Variants in HPSE2 observed in about 807,000 individuals in gnomAD.
HPSE2 encodes the protein heparanase 2 (inactive).
HPSE2 carries 38 observed loss-of-function variants against 60.5 expected under a neutral mutation model. That is an observed-to-expected ratio of 0.63 (90% CI 0.48 to 0.82). HPSE2 has a LOEUF of 0.82. Among genes scored for constraint, HPSE2 ranks in the 40% least tolerant of loss-of-function variants. The pLI is 0.00. For synonymous variants in HPSE2, 295 were observed against 293.2 expected (o/e 1.01, Z -0.06); for missense variants, 713 against 740.4 (o/e 0.96, Z 0.43).
intron 3 of HPSE2, among the ~76,000 whole-genome samples, chr10:98,867,758 G>A (rs897894061): frequency 2.6e-5 from 4 of 152,054 alleles, no homozygotes; most frequent in African/African-American, 4.8e-5. Flanking sequence ...TTCAACAGAC[G>A]AATGGATAAA....
chr10:98,847,671 A>T (rs1430683229), intron 3 of HPSE2, among the ~76,000 whole-genome samples: 1 of 152,202 alleles, frequency 6.6e-6, no homozygotes, highest in African/African-American at 2.4e-5. Flanking sequence ...TGCAGCAGTT[A>T]TTTGCCACCT....
At chr10:99,105,832 T>G (rs940027619) in intron 3 of HPSE2, among the ~76,000 whole-genome samples, 3 of 152,116 alleles carry the variant, frequency 2.0e-5, no homozygotes, top group Non-Finnish European at 4.4e-5. Context: ...ATTTATTTTT[T>G]TTAATCCGAA....
intron 4 of HPSE2, among the ~76,000 whole-genome samples, chr10:98,731,299 C>CAAA (rs1949222711): frequency 6.6e-6 from 1 of 151,866 alleles, no homozygotes; most frequent in South Asian, 2.1e-4. Context: ...ACAACAACAA[C>CAAA]AAAACAAAGA....
intron 3 of HPSE2, among the ~76,000 whole-genome samples, chr10:99,083,621 C>T (rs1274929719): frequency 1.3e-5 from 2 of 152,166 alleles, no homozygotes; most frequent in African/African-American, 4.8e-5. Context: ...AGATTTACTG[C>T]CTCAGCTTGA....
chr10:98,837,418 A>C (rs1951814191), intron 3 of HPSE2, among the ~76,000 whole-genome samples: 2 of 152,228 alleles, frequency 1.3e-5, no homozygotes, highest in Non-Finnish European at 2.9e-5. Context: ...GGCATCAGAA[A>C]AATATGGAAG....
chr10:98,487,079 T>G (rs1184420337), intron 10 of HPSE2, among the ~76,000 whole-genome samples: 1 of 152,176 alleles, frequency 6.6e-6, no homozygotes, highest in Non-Finnish European at 1.5e-5. Context: ...AGGTTCCAAT[T>G]GGTTCTGAAC....
At position 98,904,253 on chromosome 10, in the gene HPSE2, G is replaced by A. The variant is rs370569696; in HGVS notation, c.611-160197C>T. Among the ~76,000 whole-genome samples, 6 of 152,124 alleles carry A rather than the reference G, an allele frequency of 3.9e-5. No individual in the cohort carries two copies. In the East Asian group the frequency reaches 5.8e-4, roughly 15 times the overall value. On this transcript the variant is annotated intron_variant, in intron 3 of 11. Coordinates refer to ENST00000370552, the MANE Select transcript of HPSE2 (RefSeq NM_021828.5). ...TTTCCTGTAACTGAGAATAACAGATGGAATTTTAATAGTTTTTGGGGGAAA... is the reference window on the plus strand; with the variant it reads ...TTTCCTGTAACTGAGAATAACAGATAGAATTTTAATAGTTTTTGGGGGAAA...
intron 9 of HPSE2, among the ~76,000 whole-genome samples, chr10:98,592,493 T>C (rs942552974): frequency 2.0e-5 from 3 of 152,210 alleles, no homozygotes; most frequent in African/African-American, 7.2e-5. Context: ...TTATTTCCTG[T>C]CCATATTTTT....
intron 2 of HPSE2, among the ~76,000 whole-genome samples, chr10:99,213,061 G>A (rs1241304638): frequency 6.6e-6 from 1 of 152,070 alleles, no homozygotes; most frequent in African/African-American, 2.4e-5. Flanking sequence ...GGTAGAGTGA[G>A]AAATACCAAA....
At chr10:99,143,247 C>T (rs1845928644) in intron 3 of HPSE2, among the ~76,000 whole-genome samples, 1 of 152,022 alleles carries the variant, frequency 6.6e-6, no homozygotes, top group African/African-American at 2.4e-5. Context: ...GGGTTTTTCA[C>T]CAGGTACAAG....
rs77930917 is a variant in HPSE2, at chr10:98,853,198, A to G, written c.611-109142T>C. On this transcript the variant is annotated intron_variant, in intron 3 of 11. Transcript: ENST00000370552. Reference sequence around the variant, plus strand: ...GCCATTCTATTTTCACAGCTAAATGAGGAGGAATAGTACAACTTCCACTAA... The same window carrying G: ...GCCATTCTATTTTCACAGCTAAATGGGGAGGAATAGTACAACTTCCACTAA... Among the ~76,000 whole-genome samples, 563 of 152,342 alleles carry G rather than the reference A, an allele frequency of 3.7e-3. 2 individuals are homozygous for G. Among genetic ancestry groups the G allele is most frequent in the African/African-American group, 0.013 (539 of 41,580 alleles).
At chr10:98,487,384 A>G (rs950864768) in intron 10 of HPSE2, among the ~76,000 whole-genome samples, 7 of 152,356 alleles carry the variant, frequency 4.6e-5, no homozygotes, top group Middle Eastern at 3.4e-3. Flanking sequence ...GCGGTGAGGT[A>G]TCCACATAGG....
chr10:99,165,076 G>A (rs573151144), intron 2 of HPSE2, among the ~76,000 whole-genome samples: 11 of 116,500 alleles, frequency 9.4e-5, no homozygotes, highest in African/African-American at 2.3e-4. Flanking sequence ...AGCAAGACTC[G>A]GTCTCAAAAA....
At chr10:99,225,361 G>C (rs1381499838) in intron 2 of HPSE2, among the ~76,000 whole-genome samples, 1 of 151,848 alleles carries the variant, frequency 6.6e-6, no homozygotes. Context: ...ATCACACCTG[G>C]GCCCCATTAA....
At chr10:98,620,988 C>T (rs1946059064) in intron 7 of HPSE2, among the ~76,000 whole-genome samples, 1 of 152,122 alleles carries the variant, frequency 6.6e-6, no homozygotes, top group South Asian at 2.1e-4. Flanking sequence ...AGGATGTAAA[C>T]TGACTGCAGT....
chr10:98,474,678 T>C (rs1940925165), intron 11 of HPSE2, among the ~76,000 whole-genome samples: 1 of 152,206 alleles, frequency 6.6e-6, no homozygotes, highest in Non-Finnish European at 1.5e-5. Flanking sequence ...CTTCACAGAA[T>C]AGGCAATAAG....
At chr10:98,488,920 C>T (rs567757064) in intron 10 of HPSE2, among the ~76,000 whole-genome samples, 1 of 152,210 alleles carries the variant, frequency 6.6e-6, no homozygotes, top group Non-Finnish European at 1.5e-5. Context: ...CCTGCCCCCC[C>T]TCTCCTCAGA....
chr10:99,250,233 C>A, the HPSE2 span, among the ~76,000 whole-genome samples: 1 of 152,164 alleles, frequency 6.6e-6, no homozygotes, highest in African/African-American at 2.4e-5. Flanking sequence ...TCCCCTTCTG[C>A]CATAATTGAA....
At chr10:99,058,641 A>G (rs1315767413) in intron 3 of HPSE2, among the ~76,000 whole-genome samples, 2 of 152,234 alleles carry the variant, frequency 1.3e-5, no homozygotes, top group Non-Finnish European at 2.9e-5. Flanking sequence ...AAGATGATCC[A>G]AACTCTATAT....
Sources: allele counts gnomAD v4.1 joint callset (sites outside exome capture counted in the v4.1 genomes callset), GRCh38; gene constraint gnomAD v4.1.1; transcripts MANE v1.5; gene names NCBI Gene and HGNC (gene_info 2026-07-23, HGNC 2026-07-21).